Variants in MACROD2 observed in about 807,000 individuals in gnomAD.
MACROD2 encodes the protein ADP-ribose glycohydrolase MACROD2.
A neutral mutation model predicts 70.4 loss-of-function variants in MACROD2; 36 were observed. The ratio of observed to expected loss-of-function variants is 0.51; its 90% confidence interval spans 0.39 to 0.68. MACROD2 has a LOEUF of 0.68. Ranked by LOEUF, MACROD2 falls within the 30% of genes least tolerant of loss-of-function variation. The probability of loss-of-function intolerance (pLI) is 0.00; values close to 1 mark genes in which losing one functional copy is unlikely to be tolerated. For missense variants in MACROD2, 496 were observed against 538.4 expected (o/e 0.92, Z 0.78); for synonymous variants, 172 against 178.8 (o/e 0.96, Z 0.30).
rs138559524 is a variant in MACROD2 at position 14,834,561 on chromosome 20, G to A, written c.418+149602G>A. ...GTATGATGGCAATCACAGATTTAAG[G>A]CTTCATTCTATATATTTATGTATGC... On this transcript the variant is annotated intron_variant, in intron 5 of 17. Transcript: ENST00000684519. 5.2e-3 allele frequency among the ~76,000 whole-genome samples: 786 copies of A among 152,036 alleles called. 11 individuals carry two copies. The highest frequency in any genetic ancestry group is 0.018 in the African/African-American group (733 of 41,514).
intron 5 of MACROD2, among the ~76,000 whole-genome samples, chr20:14,837,539 T>C (rs192382425): frequency 6.6e-6 from 1 of 152,198 alleles, no homozygotes; most frequent in African/African-American, 2.4e-5. Flanking sequence ...GTCTGTCCTT[T>C]GAGCTAACTG....
intron 8 of MACROD2, among the ~76,000 whole-genome samples, chr20:15,771,872 C>T (rs1015275251): frequency 5.7e-5 from 8 of 140,596 alleles, no homozygotes; most frequent in African/African-American, 1.4e-4. Flanking sequence ...ATCAAAAGGT[C>T]GGGAGATCAA....
At chr20:14,534,425 T>C (rs1041006227) in intron 4 of MACROD2, among the ~76,000 whole-genome samples, 3 of 152,242 alleles carry the variant, frequency 2.0e-5, no homozygotes, top group African/African-American at 7.2e-5. Context: ...CTTTTATCCA[T>C]GCTTCTGTTT....
At chr20:14,246,851 C>G (rs945131220) in intron 3 of MACROD2, among the ~76,000 whole-genome samples, 1 of 152,162 alleles carries the variant, frequency 6.6e-6, no homozygotes, top group Admixed American at 6.5e-5. Context: ...CTACAAAGTA[C>G]TTGATTCATA....
At position 15,476,332 on chromosome 20, in the gene MACROD2, G is replaced by A. The variant is rs115610730; in HGVS notation, c.572-23442G>A. ...GGCTTTTGTGACATATCACTCTTTCGCACACAGAAAAGGAAAATGAAAGTG... is the reference window on the plus strand; with the variant it reads ...GGCTTTTGTGACATATCACTCTTTCACACACAGAAAAGGAAAATGAAAGTG... On this transcript the variant is annotated intron_variant, in intron 7 of 17. Transcript: ENST00000684519. Among the ~76,000 whole-genome samples the A allele has an allele frequency of 1.4e-3, 220 of 152,074 alleles. 1 individual carries two copies. The highest frequency in any genetic ancestry group is 5.2e-3 in the African/African-American group (217 of 41,486).
chr20:14,990,198 A>AAT (rs1249329519), intron 5 of MACROD2, among the ~76,000 whole-genome samples: 1 of 152,044 alleles, frequency 6.6e-6, no homozygotes, highest in African/African-American at 2.4e-5. Context: ...TATGTCAACG[A>AAT]ATGGGTTTTG....
intron 6 of MACROD2, among the ~76,000 whole-genome samples, chr20:15,399,374 A>G (rs1224302128): frequency 2.0e-5 from 3 of 152,162 alleles, no homozygotes; most frequent in Non-Finnish European, 4.4e-5. Flanking sequence ...ACTACCTGAT[A>G]TGTTGCTTAC....
intron 8 of MACROD2, among the ~76,000 whole-genome samples, chr20:15,847,848 G>A (rs2064251135): frequency 6.6e-6 from 1 of 151,620 alleles, no homozygotes; most frequent in African/African-American, 2.4e-5. Context: ...TTTTTATTTG[G>A]TTAGTTATTC....
At position 16,032,774 on chromosome 20, in the gene MACROD2, A is replaced by G. The variant is rs1179391502; in HGVS notation, c.1154-8427A>G. 2.9e-4 allele frequency among the ~76,000 whole-genome samples: 29 copies of G among 99,946 alleles called. No individual in the cohort carries two copies. The Admixed American group carries it at 3.1e-3, about 11-fold the overall frequency. The allele number at this position is 99,946 out of a possible 152,430, so 65.6% of individuals were successfully genotyped here. ...GGGAGGAGGGAAGAGAGGAAGGAAG[A>G]GAGGAAGGAAGGGCAGGAAGGGAGG... On this transcript the variant is annotated intron_variant, in intron 15 of 17. Coordinates refer to ENST00000684519, the MANE Select transcript of MACROD2 (RefSeq NM_001351661.2).
In MACROD2 at chr20:15,967,648, T is replaced by G. The variant is rs185329822; in HGVS notation, c.985+18T>G. 22 of 1,529,682 alleles carry G rather than the reference T, an allele frequency of 1.4e-5. No individual in the cohort carries two copies. Among genetic ancestry groups the G allele is most frequent in the Admixed American group, 1.0e-4 (5 of 47,738 alleles). 94.8% of individuals were successfully genotyped at this position (1,529,682 alleles called of 1,614,324 possible). On this transcript the variant is annotated intron_variant, in intron 13 of 17. Coordinates refer to ENST00000684519, the MANE Select transcript of MACROD2 (RefSeq NM_001351661.2). ...TCCCGATGGTAGGTTGTGAAATCCT[T>G]TATTAGATTTTCTTTTCTTCTGCTG...
chr20:15,676,885 G>C (rs546310199), intron 8 of MACROD2, among the ~76,000 whole-genome samples: 1 of 152,286 alleles, frequency 6.6e-6, no homozygotes, highest in East Asian at 1.9e-4. Flanking sequence ...AAGAGAGCCA[G>C]TTCCTGATTT....
chr20:14,954,134 A>G lies in MACROD2; in HGVS notation c.418+269175A>G, dbSNP rs150779592. ...ATTGGTGTTAAAACAAGTTTATAAT[A>G]ATGCTATTGATGTGTAAAAACAAGC... On this transcript the variant is annotated intron_variant, in intron 5 of 17. Transcript: ENST00000684519. 1.4e-3 allele frequency among the ~76,000 whole-genome samples: 210 copies of G among 152,234 alleles called. 2 individuals carry two copies. Among genetic ancestry groups the G allele is most frequent in the Non-Finnish European group, 2.5e-3 (168 of 67,998 alleles).
chr20:15,969,344 G>T (rs537237503), intron 13 of MACROD2, among the ~76,000 whole-genome samples: 1 of 152,206 alleles, frequency 6.6e-6, no homozygotes, highest in South Asian at 2.1e-4. Flanking sequence ...GGGAAAAAAG[G>T]TAACATGAAA....
intron 7 of MACROD2, among the ~76,000 whole-genome samples, chr20:15,473,566 T>G (rs2046986141): frequency 6.6e-6 from 1 of 152,180 alleles, no homozygotes; most frequent in Admixed American, 6.5e-5. Context: ...TTCAACTGTT[T>G]GTAGTGAGGA....
intron 9 of MACROD2, among the ~76,000 whole-genome samples, chr20:15,873,737 G>A (rs1568610262): frequency 6.6e-6 from 1 of 151,938 alleles, no homozygotes. Context: ...AGGACGAAAA[G>A]TCCGAAGGTT....
chr20:15,142,372 G>A (rs117828142), intron 5 of MACROD2, among the ~76,000 whole-genome samples: 117 of 152,128 alleles, frequency 7.7e-4, no homozygotes, highest in Non-Finnish European at 1.4e-3. Context: ...CCAACCAATC[G>A]TTCTGTCCAC....
At chr20:14,161,726 G>A (rs963436824) in intron 3 of MACROD2, among the ~76,000 whole-genome samples, 25 of 151,892 alleles carry the variant, frequency 1.6e-4, no homozygotes, top group South Asian at 8.3e-4. Flanking sequence ...ACAGGTACGC[G>A]CCACCACACC....
intron 15 of MACROD2, among the ~76,000 whole-genome samples, chr20:16,006,701 T>A (rs558103023): frequency 6.6e-6 from 1 of 152,290 alleles, no homozygotes; most frequent in South Asian, 2.1e-4. Flanking sequence ...TGATGTGTAT[T>A]TTCCCCATGC....
chr20:14,409,065 TTG>T (rs1178744919), intron 3 of MACROD2, among the ~76,000 whole-genome samples: 1 of 152,130 alleles, frequency 6.6e-6, no homozygotes, highest in African/African-American at 2.4e-5. Context: ...GAACCTGTTT[TTG>T]TCTCCTGTTT....
Sources: allele counts gnomAD v4.1 joint callset (sites outside exome capture counted in the v4.1 genomes callset), GRCh38; gene constraint gnomAD v4.1.1; transcripts MANE v1.5; gene names NCBI Gene and HGNC (gene_info 2026-07-23, HGNC 2026-07-21).